Variants in ATRNL1 observed in about 807,000 individuals in gnomAD.
The protein encoded by ATRNL1 is attractin-like protein 1.
A neutral mutation model predicts 182.7 loss-of-function variants in ATRNL1; 95 were observed. The ratio of observed to expected loss-of-function variants is 0.52; its 90% confidence interval spans 0.44 to 0.62. The LOEUF (loss-of-function observed/expected upper bound fraction) is 0.62. Among genes scored for constraint, ATRNL1 ranks in the 20% least tolerant of loss-of-function variants. The probability of loss-of-function intolerance (pLI) is 0.00; values close to 1 mark genes in which losing one functional copy is unlikely to be tolerated. For missense variants in ATRNL1, 1,471 were observed against 1,679.5 expected (o/e 0.88, Z 2.17); for synonymous variants, 576 against 568.3 (o/e 1.01, Z -0.19).
intron 27 of ATRNL1, among the ~76,000 whole-genome samples, chr10:115,824,664 A>G (rs1205919597): frequency 1.3e-5 from 2 of 152,198 alleles, no homozygotes; most frequent in African/African-American, 4.8e-5. Context: ...AAACATATGA[A>G]AAAAAGCTCA....
At chr10:115,882,334 G>A (rs1375416554) in intron 28 of ATRNL1, among the ~76,000 whole-genome samples, 1 of 152,182 alleles carries the variant, frequency 6.6e-6, no homozygotes, top group African/African-American at 2.4e-5. Flanking sequence ...CCCACTGAGG[G>A]CTGCTGGGAA....
intron 19 of ATRNL1, among the ~76,000 whole-genome samples, chr10:115,350,653 G>A (rs1453106743): frequency 6.6e-5 from 10 of 152,226 alleles, no homozygotes; most frequent in African/African-American, 2.4e-4. Flanking sequence ...GTATCATGCT[G>A]TTTTGTTTGC....
chr10:115,258,157 CT>C (rs1212557490), intron 10 of ATRNL1, among the ~76,000 whole-genome samples: 1 of 152,160 alleles, frequency 6.6e-6, no homozygotes, highest in African/African-American at 2.4e-5. Flanking sequence ...GTTGGCCTGC[CT>C]TGCTAGGTTG....
chr10:115,857,086 A>G (rs1161966627), intron 28 of ATRNL1, among the ~76,000 whole-genome samples: 1 of 152,176 alleles, frequency 6.6e-6, no homozygotes. Flanking sequence ...TTTCCACTTA[A>G]TGAATAGTAA....
At chr10:115,146,709 C>T (rs1046333713) in intron 5 of ATRNL1, among the ~76,000 whole-genome samples, 12 of 151,992 alleles carry the variant, frequency 7.9e-5, no homozygotes, top group African/African-American at 2.9e-4. Flanking sequence ...TGAGTGAGAA[C>T]TTAGGATATT....
At chr10:115,305,823 G>A (rs1307129510) in intron 17 of ATRNL1, among the ~76,000 whole-genome samples, 2 of 152,166 alleles carry the variant, frequency 1.3e-5, no homozygotes, top group African/African-American at 4.8e-5. Context: ...GCTAGAGGAT[G>A]TTGCTGGGGG....
chr10:115,659,532 A>G (rs776618373), intron 26 of ATRNL1, among the ~76,000 whole-genome samples: 37 of 152,070 alleles, frequency 2.4e-4, no homozygotes, highest in South Asian at 6.2e-4. Context: ...AGGCAGTTGT[A>G]TGCTATTTAA....
chr10:115,153,003 A>C (rs1846317311), intron 5 of ATRNL1, among the ~76,000 whole-genome samples: 1 of 152,004 alleles, frequency 6.6e-6, no homozygotes, highest in Non-Finnish European at 1.5e-5. Flanking sequence ...GGTTCTGTTT[A>C]TATGCTGGAT....
intron 8 of ATRNL1, among the ~76,000 whole-genome samples, chr10:115,212,387 A>AC (rs1849064685): frequency 6.6e-6 from 1 of 151,616 alleles, no homozygotes; most frequent in East Asian, 1.9e-4. Flanking sequence ...GAATGCTTAT[A>AC]CACTGTTGGT....
chr10:115,583,594 T>C (rs1167746415), intron 26 of ATRNL1, among the ~76,000 whole-genome samples: 56 of 130,610 alleles, frequency 4.3e-4, no homozygotes, highest in African/African-American at 1.1e-3. Flanking sequence ...TTTTGTACAT[T>C]GATTTTGTAT....
chr10:115,783,422 G>A (rs1949317493), intron 27 of ATRNL1, among the ~76,000 whole-genome samples: 1 of 152,102 alleles, frequency 6.6e-6, no homozygotes, highest in Non-Finnish European at 1.5e-5. Context: ...AGACTTACTA[G>A]CTAAATAACT....
intron 8 of ATRNL1, among the ~76,000 whole-genome samples, chr10:115,172,965 C>A (rs1847352760): frequency 6.6e-6 from 1 of 151,780 alleles, no homozygotes; most frequent in Admixed American, 6.6e-5. Flanking sequence ...CCCAGCTCTC[C>A]TGGATGACTA....
chr10:115,518,695 A>G (rs1223668642), intron 24 of ATRNL1, among the ~76,000 whole-genome samples: 1 of 151,966 alleles, frequency 6.6e-6, no homozygotes, highest in African/African-American at 2.4e-5. Flanking sequence ...TGATTGATAT[A>G]CTATAATACA....
intron 28 of ATRNL1, among the ~76,000 whole-genome samples, chr10:115,866,398 C>T (rs1297011585): frequency 6.6e-6 from 1 of 152,192 alleles, no homozygotes; most frequent in African/African-American, 2.4e-5. Context: ...ACAAAAACCA[C>T]CATTTATCAG....
At chr10:115,691,155 A>G (rs1946381898) in intron 26 of ATRNL1, among the ~76,000 whole-genome samples, 1 of 152,126 alleles carries the variant, frequency 6.6e-6, no homozygotes, top group Admixed American at 6.5e-5. Flanking sequence ...GTAGTTAGCC[A>G]TCTTGAACCA....
intron 26 of ATRNL1, among the ~76,000 whole-genome samples, chr10:115,562,822 G>A (rs571955448): frequency 4.6e-5 from 7 of 152,160 alleles, no homozygotes; most frequent in Non-Finnish European, 7.3e-5. Context: ...CCAGTCTCAA[G>A]TATGTCTTGC....
intron 28 of ATRNL1, among the ~76,000 whole-genome samples, chr10:115,876,950 A>T (rs1951714123): frequency 6.6e-6 from 1 of 152,192 alleles, no homozygotes; most frequent in South Asian, 2.1e-4. Flanking sequence ...TTTTCCCTTT[A>T]AAAGGAATAG....
chr10:115,487,784 G>C (rs140273845), intron 24 of ATRNL1, among the ~76,000 whole-genome samples: 72 of 152,248 alleles, frequency 4.7e-4, no homozygotes, highest in African/African-American at 1.7e-3. Flanking sequence ...GGAGTGATGA[G>C]AGAGGGCATC....
At chr10:115,627,186 G>A (rs1858162896) in intron 26 of ATRNL1, among the ~76,000 whole-genome samples, 1 of 152,008 alleles carries the variant, frequency 6.6e-6, no homozygotes, top group Non-Finnish European at 1.5e-5. Flanking sequence ...CTAAGCAGTT[G>A]CTCCCCATTC....
Sources: gnomAD v4.1 joint callset for allele counts (sites outside exome capture counted in the v4.1 genomes callset) on GRCh38, gnomAD v4.1.1 for gene constraint, MANE v1.5 for transcripts, NCBI Gene and HGNC (gene_info 2026-07-23, HGNC 2026-07-21) for gene names.